Variants in PCDH15 observed in about 807,000 individuals in gnomAD.
PCDH15 encodes the protein protocadherin related 15, also known as protocadherin-15.
A neutral mutation model predicts 178.5 loss-of-function variants in PCDH15; 129 were observed. The ratio of observed to expected loss-of-function variants is 0.72; its 90% confidence interval spans 0.63 to 0.84. The LOEUF (loss-of-function observed/expected upper bound fraction) is 0.84, where lower values mean the gene tolerates loss of function less well. Among genes scored for constraint, PCDH15 ranks in the 40% least tolerant of loss-of-function variants. The pLI, the probability that PCDH15 is intolerant of heterozygous loss-of-function variation, is 0.00. For missense variants in PCDH15, 2,230 were observed against 2,099.9 expected (o/e 1.06, Z -1.21); for synonymous variants, 800 against 732.0 (o/e 1.09, Z -1.50).
intron 2 of PCDH15, among the ~76,000 whole-genome samples, chr10:55,440,462 A>T (rs372455267): frequency 6.6e-6 from 1 of 152,334 alleles, no homozygotes; most frequent in Non-Finnish European, 1.5e-5. Flanking sequence ...GAAAAGTGGC[A>T]AAGTAAACAA....
At chr10:54,745,758 C>T (rs1399109597) in intron 1 of PCDH15, among the ~76,000 whole-genome samples, 1 of 152,154 alleles carries the variant, frequency 6.6e-6, no homozygotes, top group African/African-American at 2.4e-5. Flanking sequence ...TAAAATTAAT[C>T]TGCAGCGAAG....
intron 2 of PCDH15, among the ~76,000 whole-genome samples, chr10:55,582,115 G>T (rs1314354430): frequency 6.6e-6 from 1 of 152,148 alleles, no homozygotes; most frequent in African/African-American, 2.4e-5. Flanking sequence ...CATCCCAGTG[G>T]TGCCTGAGAA....
intron 2 of PCDH15, among the ~76,000 whole-genome samples, chr10:55,603,840 C>T (rs1239241933): frequency 1.0e-3 from 154 of 147,620 alleles, no homozygotes; most frequent in African/African-American, 3.7e-3. Context: ...CATCAACTAA[C>T]GAGCAAAATC....
At chr10:54,285,544 A>C (rs1348795202) in intron 8 of PCDH15, among the ~76,000 whole-genome samples, 1 of 152,138 alleles carries the variant, frequency 6.6e-6, no homozygotes, top group East Asian at 1.9e-4. Flanking sequence ...CCCAATTCGA[A>C]TATTATCAAA....
intron 2 of PCDH15, among the ~76,000 whole-genome samples, chr10:54,568,324 C>T (rs573389244): frequency 6.6e-6 from 1 of 152,094 alleles, no homozygotes; most frequent in East Asian, 1.9e-4. Flanking sequence ...TCTACTTCAC[C>T]ACTGTCTAAA....
At chr10:55,138,544 G>A (rs1936458) in intron 2 of PCDH15, among the ~76,000 whole-genome samples, 42,222 of 151,924 alleles carry the variant, frequency 0.28, 6,252 homozygotes, top group Non-Finnish European at 0.32. Flanking sequence ...TGCCAGTTCA[G>A]CATCCTTCAT....
intron 3 of PCDH15, among the ~76,000 whole-genome samples, chr10:54,891,809 G>T (rs1270383328): frequency 6.6e-6 from 1 of 152,078 alleles, no homozygotes; most frequent in Non-Finnish European, 1.5e-5. Flanking sequence ...GAAGGCTGTA[G>T]AATATGCCTC....
intron 1 of PCDH15, among the ~76,000 whole-genome samples, chr10:55,284,984 T>C (rs1019034160): frequency 6.6e-6 from 1 of 151,616 alleles, no homozygotes; most frequent in African/African-American, 2.4e-5. Flanking sequence ...AAGAAAAAAG[T>C]AGGGGAAGTG....
intron 6 of PCDH15, among the ~76,000 whole-genome samples, chr10:54,345,967 C>A (rs1000833991): frequency 2.0e-5 from 3 of 152,014 alleles, no homozygotes; most frequent in Admixed American, 6.6e-5. Context: ...AAAGGCTTAT[C>A]AACTCCAGCA....
chr10:55,415,479 G>A lies in PCDH15; in HGVS notation c.-156+212146C>T, dbSNP rs115399839. On this transcript the variant is annotated intron_variant, in intron 2 of 5. Transcript: ENST00000613346. ...TTAAAACTAGAGGAGATAAAAGGACGTTTTACAATTGGACACCTTTCTCCA... is the reference window on the plus strand; with the variant it reads ...TTAAAACTAGAGGAGATAAAAGGACATTTTACAATTGGACACCTTTCTCCA... 5.2e-3 allele frequency among the ~76,000 whole-genome samples: 790 copies of A among 151,716 alleles called. 6 individuals are homozygous for A. The highest frequency in any genetic ancestry group is 0.024 in the Middle Eastern group (7 of 292).
At chr10:54,421,891 C>CTATATATATATAT (rs1565231810) in intron 3 of PCDH15, among the ~76,000 whole-genome samples, 5 of 80,264 alleles carry the variant, frequency 6.2e-5, no homozygotes, top group African/African-American at 1.9e-4. Context: ...TATACACACA[C>CTATATATATATAT]ACACTATATA....
intron 2 of PCDH15, among the ~76,000 whole-genome samples, chr10:55,031,369 G>T (rs558978627): frequency 6.6e-6 from 1 of 152,260 alleles, no homozygotes; most frequent in South Asian, 2.1e-4. Context: ...CCAGCTAAAA[G>T]TAAGACAATC....
Position 54,378,959 on chromosome 10 carries a change from G to A in PCDH15, c.158-17C>T. 1 of 1,613,158 alleles carries A rather than the reference G, an allele frequency of 6.2e-7. No homozygotes were observed. Among genetic ancestry groups the A allele is most frequent in the Non-Finnish European group, 8.5e-7 (1 of 1,179,538 alleles). ...GAATTGTACCTGCAAACCAAAGAAA[G>A]GTACTTGAAAACATATTCTACTCAT... On this transcript the variant is annotated splice_polypyrimidine_tract_variant and intron_variant, in intron 3 of 37. Coordinates refer to ENST00000644397, the MANE Select transcript of PCDH15 (RefSeq NM_001384140.1).
chr10:54,900,497 T>G (rs1207094924), intron 2 of PCDH15, among the ~76,000 whole-genome samples: 1 of 152,204 alleles, frequency 6.6e-6, no homozygotes, highest in Non-Finnish European at 1.5e-5. Context: ...TGATAAAAGT[T>G]AAACTTGTTT....
At chr10:55,205,780 C>G (rs1840382525) in intron 1 of PCDH15, among the ~76,000 whole-genome samples, 1 of 151,900 alleles carries the variant, frequency 6.6e-6, no homozygotes, top group South Asian at 2.1e-4. Flanking sequence ...TTTCACGCTG[C>G]TGATAAAGAT....
intron 3 of PCDH15, among the ~76,000 whole-genome samples, chr10:54,882,858 T>G (rs1954287746): frequency 6.6e-6 from 1 of 152,040 alleles, no homozygotes; most frequent in South Asian, 2.1e-4. Context: ...CAAAGTGAAT[T>G]AGTATGATGT....
At chr10:54,407,046 T>G (rs1270322532) in intron 3 of PCDH15, among the ~76,000 whole-genome samples, 3 of 152,096 alleles carry the variant, frequency 2.0e-5, no homozygotes, top group Non-Finnish European at 4.4e-5. Context: ...TAAGGACAAA[T>G]TTTAAAGTGG....
intron 6 of PCDH15, among the ~76,000 whole-genome samples, chr10:54,332,590 A>G (rs1249153086): frequency 2.0e-5 from 3 of 150,824 alleles, no homozygotes; most frequent in Non-Finnish European, 4.4e-5. Context: ...AACCTCTTAA[A>G]TGTAATTTAG....
chr10:55,487,427 A>T (rs1056895449), intron 2 of PCDH15, among the ~76,000 whole-genome samples: 4 of 151,656 alleles, frequency 2.6e-5, no homozygotes, highest in African/African-American at 9.7e-5. Context: ...TCCATTTATC[A>T]AGTATATAAC....
Sources: gnomAD v4.1 joint callset for allele counts (sites outside exome capture counted in the v4.1 genomes callset) on GRCh38, gnomAD v4.1.1 for gene constraint, MANE v1.5 for transcripts, NCBI Gene and HGNC (gene_info 2026-07-23, HGNC 2026-07-21) for gene names.